The following TEF variants were observed in gnomAD, a reference collection of about 807,000 sequenced individuals.
The protein encoded by TEF is thyrotroph embryonic factor.
In TEF, 3 loss-of-function variants were observed where a neutral mutation model predicts 20.8. That is an observed-to-expected ratio of 0.14 (90% CI 0.07 to 0.37). TEF has a LOEUF of 0.37. Among genes scored for constraint, TEF ranks in the 10% least tolerant of loss-of-function variants. TEF has a pLI of 1.00. For synonymous variants in TEF, 180 were observed against 171.1 expected, an observed-to-expected ratio of 1.05 and a Z score of -0.41; for missense variants, 296 against 397.9, an observed-to-expected ratio of 0.74 and a Z score of 2.18.
Position 41,399,150 on chromosome 22 carries a change from G to A in TEF, c.*3190G>A, listed in dbSNP as rs1040561188. On this transcript the variant is annotated 3_prime_UTR_variant, in exon 4 of 4. Coordinates refer to ENST00000266304, the MANE Select transcript of TEF (RefSeq NM_003216.4). ...CTCTTTACCTTTGTTGGGGGAAGGA[G>A]GCAAGAGAGAAATTCCTTCTTCCCA... 1.3e-5 allele frequency: 2 copies of A among 152,652 alleles called. No homozygotes were observed. The highest frequency in any genetic ancestry group is 4.1e-4 in the South Asian group (2 of 4,828). The allele number at this position is 152,652 out of a possible 1,614,324, so 9.5% of individuals were successfully genotyped here.
At chr22:41,378,343 CTT>C (rs58676366), upstream of TEF, among the ~76,000 whole-genome samples, 18,420 of 83,468 alleles carry the variant, frequency 0.22, 1,731 homozygotes, top group Admixed American at 0.37. Flanking sequence ...TAACTTTTGC[CTT>C]TTTTTTTTTT....
At chr22:41,375,841 G>A (rs901643273) in intron 1 of TEF, among the ~76,000 whole-genome samples, 2 of 152,004 alleles carry the variant, frequency 1.3e-5, no homozygotes, top group African/African-American at 4.8e-5. Flanking sequence ...GATAGGGTGG[G>A]GATTTTTTCA....
At chr22:41,387,299 G>A in intron 1 of TEF, 52 bp from the exon 2 acceptor site, 1 of 1,592,890 alleles carries the variant, frequency 6.3e-7, no homozygotes, top group Non-Finnish European at 8.6e-7. Flanking sequence ...CCACTTCCTG[G>A]GATTGAGTTA....
chr22:41,367,563 C>T lies in TEF; in HGVS notation c.31C>T (p.Leu11=), dbSNP rs547816327. 406 of 1,551,428 alleles carry T rather than the reference C, an allele frequency of 2.6e-4. 3 individuals are homozygous for T. In the South Asian group the frequency reaches 4.6e-3, roughly 18 times the overall value. Residue 11 remains leucine (L), a synonymous_variant, in exon 1 of 4, where the codon CTG becomes TTG. Transcript: ENST00000406644. ...CATGCCTGAGGTCCTCAAGTCCCTG[C>T]TGGAGCACTCTCTGCCTTGGCCAGA...
intron 1 of TEF, chr22:41,382,876 C>T (rs986468505): frequency 3.4e-5 from 16 of 470,774 alleles, no homozygotes; most frequent in Non-Finnish European, 6.6e-5. Flanking sequence ...CCACTGAGGC[C>T]CTTCGCCTGG....
At chr22:41,395,594 T>C (rs2145993485) in intron 3 of TEF, 151 bp from the exon 4 acceptor site, 1 of 712,062 alleles carries the variant, frequency 1.4e-6, no homozygotes, top group South Asian at 1.8e-5. Flanking sequence ...GTGCCCTCAA[T>C]GTGCCCTGGT....
At position 41,370,184 on chromosome 22, in the gene TEF, G is replaced by T. The variant is rs923084664; in HGVS notation, c.67+2585G>T. On this transcript the variant is annotated intron_variant, in intron 1 of 3. Coordinates refer to the TEF transcript ENST00000406644. ...GGCTGGAGTGCAGTGGTGCTATCTC[G>T]GCTCACTGCAACCTCTGCCTCCTGG... 7.6e-6 allele frequency: 6 copies of T among 789,552 alleles called. No homozygotes were observed. In the African/African-American group the frequency reaches 7.7e-5, roughly 10 times the overall value. 48.9% of individuals were successfully genotyped at this position (789,552 alleles called of 1,614,324 possible). A position where few individuals can be genotyped will look rare whatever the true frequency, so the allele number is the denominator to read the frequency against.
At chr22:41,375,546 C>T (rs1202777342) in intron 1 of TEF, among the ~76,000 whole-genome samples, 5 of 152,020 alleles carry the variant, frequency 3.3e-5, no homozygotes, top group African/African-American at 4.8e-5. Flanking sequence ...GTCAGGAGAT[C>T]GAGGCCATGC....
intron 1 of TEF, among the ~76,000 whole-genome samples, chr22:41,386,205 A>G (rs2037095396): frequency 6.6e-6 from 1 of 152,034 alleles, no homozygotes; most frequent in South Asian, 2.1e-4. Flanking sequence ...TTGGGAGGCC[A>G]AGGCAGGTGG....
In TEF at chr22:41,398,476, G is replaced by A. The variant is rs910820820; in HGVS notation, c.*2516G>A. 2.9e-4 allele frequency: 44 copies of A among 153,762 alleles called. No individual in the cohort carries two copies. The highest frequency in any genetic ancestry group is 1.0e-3 in the African/African-American group (42 of 41,452). 9.5% of individuals were successfully genotyped at this position (153,762 alleles called of 1,614,324 possible). ...CTACTTCCTAAGCATCCTGTCTAAA[G>A]CTTTGTGGCACCCTCAGTGCAACCT... On this transcript the variant is annotated 3_prime_UTR_variant, in exon 4 of 4. Coordinates refer to ENST00000266304, the MANE Select transcript of TEF (RefSeq NM_003216.4).
intron 1 of TEF, among the ~76,000 whole-genome samples, chr22:41,385,284 C>T (rs983724280): frequency 1.3e-5 from 2 of 151,994 alleles, no homozygotes; most frequent in Admixed American, 6.6e-5. Flanking sequence ...CGCTTGAACA[C>T]GGGAGGCGAA....
intron 1 of TEF, among the ~76,000 whole-genome samples, chr22:41,372,370 A>T (rs2036892306): frequency 6.6e-6 from 1 of 152,182 alleles, no homozygotes. Flanking sequence ...AGGCTGCTGC[A>T]GGACGGGCTC....
intron 1 of TEF, among the ~76,000 whole-genome samples, chr22:41,383,349 G>A (rs1283274901): frequency 6.6e-6 from 1 of 152,168 alleles, no homozygotes; most frequent in African/African-American, 2.4e-5. Context: ...TTTTGAGACG[G>A]TGCTTTGTTC....
chr22:41,374,846 T>C (rs2036921653), intron 1 of TEF, among the ~76,000 whole-genome samples: 1 of 150,896 alleles, frequency 6.6e-6, no homozygotes, highest in Admixed American at 6.6e-5. Context: ...AGAAGAGGGG[T>C]TGATCTTGTT....
intron 1 of TEF, among the ~76,000 whole-genome samples, chr22:41,375,717 C>G (rs534592360): frequency 1.4e-5 from 2 of 143,588 alleles, no homozygotes; most frequent in East Asian, 2.0e-4. Flanking sequence ...GAGCAAGACT[C>G]TGTCTCAAAA....
At chr22:41,367,583 G>C in exon 1 of TEF, 1 of 1,551,368 alleles carries the variant, frequency 6.4e-7, no homozygotes, top group Non-Finnish European at 8.7e-7. Context: ...CTCTGCCTTG[G>C]CCAGAGAAGA....
intron 3 of TEF, among the ~76,000 whole-genome samples, chr22:41,394,804 T>C (rs978274727): frequency 3.3e-5 from 5 of 152,214 alleles, no homozygotes; most frequent in African/African-American, 1.2e-4. Context: ...ATCCAAATCT[T>C]TGGAGTCAGG....
intron 2 of TEF, among the ~76,000 whole-genome samples, chr22:41,388,163 ATTT>A (rs1359405997): frequency 2.0e-5 from 3 of 151,100 alleles, no homozygotes; most frequent in Non-Finnish European, 4.4e-5. Flanking sequence ...CGCCTGGCTA[ATTT>A]TTTTATTTTT....
At chr22:41,370,740 C>A (rs1027199864) in intron 1 of TEF, among the ~76,000 whole-genome samples, 4 of 152,152 alleles carry the variant, frequency 2.6e-5, no homozygotes, top group Admixed American at 6.5e-5. Context: ...CATTGATGCC[C>A]CTTGAAACCC....
Sources: allele counts gnomAD v4.1 joint callset (sites outside exome capture counted in the v4.1 genomes callset), GRCh38; gene constraint gnomAD v4.1.1; transcripts MANE v1.5; gene names NCBI Gene and HGNC (gene_info 2026-07-23, HGNC 2026-07-21).